CRACD: variants seen among roughly 807,000 people sequenced by gnomAD.
The protein encoded by CRACD is capping protein-inhibiting regulator of actin dynamics.
In CRACD, 56 loss-of-function variants were observed where a neutral mutation model predicts 106.8. That is an observed-to-expected ratio of 0.52 (90% CI 0.42 to 0.66). CRACD has a LOEUF of 0.66. CRACD is among the 30% of genes least tolerant of loss of function. The pLI, the probability that CRACD is intolerant of heterozygous loss-of-function variation, is 0.00. For synonymous variants in CRACD, 754 were observed against 670.8 expected (o/e 1.12, Z -1.92); for missense variants, 1,730 against 1,623.2 (o/e 1.07, Z -1.13).
intron 1 of CRACD, among the ~76,000 whole-genome samples, chr4:56,158,204 A>G (rs6815118): frequency 0.29 from 43,746 of 151,994 alleles, 6,564 homozygotes; most frequent in South Asian, 0.33. Flanking sequence ...AGAAATACCA[A>G]ATGTTCTGTA....
intron 3 of CRACD, among the ~76,000 whole-genome samples, chr4:56,286,141 C>A (rs13114171): frequency 0.3 from 45,029 of 151,828 alleles, 7,770 homozygotes; most frequent in East Asian, 0.66. Flanking sequence ...GACCGTAATC[C>A]CAGCACTTTG....
chr4:56,309,862 T>A (rs10034154), intron 5 of CRACD, among the ~76,000 whole-genome samples: 42,099 of 151,158 alleles, frequency 0.28, 6,376 homozygotes, highest in Middle Eastern at 0.37. Flanking sequence ...TCAAAAAAAA[T>A]ATATATATAT....
Position 56,315,840 on chromosome 4 carries a change from C to T in CRACD, c.2338C>T (p.Arg780Trp), listed in dbSNP as rs1187436692. Residue 780 changes from arginine (R) to tryptophan (W), a missense_variant, in exon 8 of 11, where the codon CGG (arginine) becomes TGG (tryptophan). Physicochemically the swap from Arg to Trp is moderately radical, Grantham distance 101. Coordinates refer to ENST00000682029, the MANE Select transcript of CRACD (RefSeq NM_001393381.1). This position sits in a 1 kb window ranked among gnomAD's most constrained non-coding sequence, Gnocchi z 4.1. ...GKGPEKSEMH[R>W]EPADTTEGCK... ...GGGTCCGGAGAAGTCGGAGATGCAC[C>T]GGGAGCCCGCAGACACCACCGAGGG... 2.5e-6 allele frequency: 4 copies of T among 1,614,000 alleles called. No individual in the cohort carries two copies. The highest frequency in any genetic ancestry group is 3.4e-6 in the Non-Finnish European group (4 of 1,180,036).
At chr4:56,169,090 G>A (rs1186400750) in intron 1 of CRACD, among the ~76,000 whole-genome samples, 3 of 152,212 alleles carry the variant, frequency 2.0e-5, no homozygotes, top group Non-Finnish European at 4.4e-5. Context: ...CTGAGGTGTG[G>A]AGGGATCAGT....
chr4:56,299,273 T>C (rs1166668600), intron 4 of CRACD, among the ~76,000 whole-genome samples: 2 of 152,134 alleles, frequency 1.3e-5, no homozygotes, highest in African/African-American at 4.8e-5. Flanking sequence ...TAAATAATTA[T>C]TCACTACATA....
chr4:56,218,096 C>A (rs1738808438), intron 2 of CRACD, among the ~76,000 whole-genome samples: 1 of 151,986 alleles, frequency 6.6e-6, no homozygotes, highest in African/African-American at 2.4e-5. Flanking sequence ...AGGACATCAG[C>A]CTTATTGGAT....
chr4:56,201,024 A>T (rs936961722), intron 2 of CRACD, among the ~76,000 whole-genome samples: 2 of 152,358 alleles, frequency 1.3e-5, no homozygotes, highest in African/African-American at 4.8e-5. Context: ...AAAACTCACC[A>T]TTCAAACCAA....
chr4:56,107,225 C>T (rs2109837632), intron 1 of CRACD, among the ~76,000 whole-genome samples: 1 of 152,264 alleles, frequency 6.6e-6, no homozygotes, highest in Middle Eastern at 3.4e-3. Flanking sequence ...AAATGATCCT[C>T]CTGCCTCCAC....
At chr4:56,158,396 TA>T (rs112776932) in intron 1 of CRACD, among the ~76,000 whole-genome samples, 4,473 of 151,614 alleles carry the variant, frequency 0.03, 201 homozygotes, top group African/African-American at 0.099. Flanking sequence ...TATTTTTTTT[TA>T]AAAATAATTC....
At position 56,154,370 on chromosome 4, in the gene CRACD, G is replaced by A. The variant is rs774465383; in HGVS notation, c.-335-24914G>A. On this transcript the variant is annotated intron_variant, in intron 1 of 10. Transcript: ENST00000682029. ...AGTCCCAGCTACTCGGGAGGCTAACGCAGGAGTATACCTTAAGCCCAGGAG... is the reference window on the plus strand; with the variant it reads ...AGTCCCAGCTACTCGGGAGGCTAACACAGGAGTATACCTTAAGCCCAGGAG... Among the ~76,000 whole-genome samples the A allele has an allele frequency of 1.1e-4, 17 of 152,208 alleles. No individual in the cohort carries two copies. The East Asian group carries it at 1.2e-3, about 10-fold the overall frequency.
chr4:56,068,285 G>A (rs527549018), intron 1 of CRACD, among the ~76,000 whole-genome samples: 5 of 152,314 alleles, frequency 3.3e-5, no homozygotes, highest in Admixed American at 2.0e-4. Context: ...CAAGTGTAAC[G>A]GGCCAAGGCC....
chr4:56,074,642 T>C (rs916565677), intron 1 of CRACD, among the ~76,000 whole-genome samples: 5 of 152,162 alleles, frequency 3.3e-5, no homozygotes, highest in Non-Finnish European at 7.3e-5. Flanking sequence ...ACAGGGACAA[T>C]TTGACTTCCT....
intron 2 of CRACD, among the ~76,000 whole-genome samples, chr4:56,241,506 A>G (rs1363564947): frequency 1.3e-5 from 2 of 152,028 alleles, no homozygotes; most frequent in Non-Finnish European, 2.9e-5. Flanking sequence ...CTCTTTGGAA[A>G]CCGGCATTTC....
chr4:56,303,715 A>AGGCCTT (rs773106035), intron 4 of CRACD, among the ~76,000 whole-genome samples: 46 of 152,322 alleles, frequency 3.0e-4, no homozygotes, highest in Non-Finnish European at 2.8e-4. Context: ...TGTAGGGGCG[A>AGGCCTT]GGCCTTGGCC....
At chr4:56,129,850 G>A (rs1476060521) in intron 1 of CRACD, among the ~76,000 whole-genome samples, 1 of 152,212 alleles carries the variant, frequency 6.6e-6, no homozygotes, top group East Asian at 1.9e-4. Context: ...AATGTGTCCT[G>A]AAGGGAACTT....
intron 2 of CRACD, among the ~76,000 whole-genome samples, chr4:56,187,402 G>A (rs953373920): frequency 1.3e-5 from 2 of 152,080 alleles, no homozygotes; most frequent in Admixed American, 1.3e-4. Context: ...TTATGTCAAC[G>A]TGTTTCTTAA....
At chr4:56,159,544 C>T (rs989713662) in intron 1 of CRACD, among the ~76,000 whole-genome samples, 6 of 151,840 alleles carry the variant, frequency 4.0e-5, no homozygotes, top group East Asian at 2.0e-4. Context: ...CCCAGCTACT[C>T]GGGAGGCTGA....
chr4:56,100,665 G>A (rs758868140), intron 1 of CRACD, among the ~76,000 whole-genome samples: 8 of 152,146 alleles, frequency 5.3e-5, no homozygotes, highest in Non-Finnish European at 8.8e-5. Flanking sequence ...CAGTATGAGT[G>A]GTATCCTCAT....
intron 2 of CRACD, among the ~76,000 whole-genome samples, chr4:56,245,650 C>T (rs1360332960): frequency 6.6e-6 from 1 of 152,174 alleles, no homozygotes; most frequent in Non-Finnish European, 1.5e-5. Context: ...AATCAAGCTC[C>T]TATTGTAACA....
Sources: allele counts gnomAD v4.1 joint callset (sites outside exome capture counted in the v4.1 genomes callset), GRCh38; gene constraint gnomAD v4.1.1; non-coding constraint Gnocchi (gnomAD v3.1); transcripts MANE v1.5; gene names NCBI Gene and HGNC (gene_info 2026-07-23, HGNC 2026-07-21).